The following CPA6 variants were observed in gnomAD, a reference collection of about 807,000 sequenced individuals.
CPA6 encodes the protein carboxypeptidase A6.
A neutral mutation model predicts 63.3 loss-of-function variants in CPA6; 58 were observed. The observed-to-expected ratio is 0.92, with a 90% CI of 0.74 to 1.14. The LOEUF is 1.14. Ranked by LOEUF, CPA6 falls within the 50% of genes most tolerant of loss-of-function variation. The pLI is 0.00. For synonymous variants in CPA6, 185 were observed against 179.0 expected (o/e 1.03, Z -0.27); for missense variants, 565 against 526.6 (o/e 1.07, Z -0.71).
At chr8:67,523,130 G>GTTTGCA (rs1299917382) in intron 2 of CPA6, among the ~76,000 whole-genome samples, 2 of 152,192 alleles carry the variant, frequency 1.3e-5, no homozygotes, top group African/African-American at 4.8e-5. Context: ...AATCTACTTA[G>GTTTGCA]CTCTCTGCAC....
At position 67,525,503 on chromosome 8, in the gene CPA6, A is replaced by G. The variant is rs145626846; in HGVS notation, c.193-7456T>C. Among the ~76,000 whole-genome samples, 550 of 152,338 alleles carry G rather than the reference A, an allele frequency of 3.6e-3. 5 individuals carry two copies. Among genetic ancestry groups the G allele is most frequent in the African/African-American group, 0.011 (477 of 41,580 alleles). The stretch of plus-strand genomic sequence containing the variant: ...TACTAGTTATAAGTCAAGCATTATT[A>G]CTACAGCATTAGTAAAGGAAGAAGT... On this transcript the variant is annotated intron_variant, in intron 2 of 10. Coordinates refer to ENST00000297770, the MANE Select transcript of CPA6 (RefSeq NM_020361.5).
chr8:67,469,636 A>C (rs1811010681), intron 8 of CPA6, among the ~76,000 whole-genome samples: 1 of 152,010 alleles, frequency 6.6e-6, no homozygotes, highest in African/African-American at 2.4e-5. Flanking sequence ...GACCAGCCCC[A>C]CCCCTCCTGC....
chr8:67,717,757 T>A (rs1817409489), intron 1 of CPA6, among the ~76,000 whole-genome samples: 1 of 152,166 alleles, frequency 6.6e-6, no homozygotes, highest in African/African-American at 2.4e-5. Flanking sequence ...CCCTGGAGTG[T>A]CCTAGTGGGC....
intron 2 of CPA6, among the ~76,000 whole-genome samples, chr8:67,543,478 A>T (rs1448471256): frequency 1.3e-5 from 2 of 152,220 alleles, no homozygotes; most frequent in Non-Finnish European, 2.9e-5. Flanking sequence ...CTGTTTGACA[A>T]ATACACAGTT....
chr8:67,505,645 GA>G (rs1282892132), intron 6 of CPA6, among the ~76,000 whole-genome samples: 3 of 152,136 alleles, frequency 2.0e-5, no homozygotes, highest in Non-Finnish European at 4.4e-5. Flanking sequence ...TGTTTCAAGA[GA>G]ATGCAAATTA....
At position 67,746,110 on chromosome 8, in the gene CPA6, C is replaced by T. The variant is rs373565150; in HGVS notation, c.20G>A (p.Arg7His). The change falls in exon 1 of 11, where the codon CGC (arginine) becomes CAC (histidine). Residue 7 changes from arginine (R) to histidine (H), a missense_variant. Coordinates refer to ENST00000297770, the MANE Select transcript of CPA6 (RefSeq NM_020361.5). MKCLGK[R>H]RGQAAAFLPL... The stretch of plus-strand genomic sequence containing the variant: ...CAGGAAAGCAGCTGCCTGGCCCCTG[C>T]GCTTCCCGAGACACTTCATAGTGTT... 146 of 1,613,202 alleles carry T rather than the reference C, an allele frequency of 9.1e-5. No homozygotes were observed. Among genetic ancestry groups the T allele is most frequent in the Non-Finnish European group, 1.2e-4 (138 of 1,179,566 alleles).
At chr8:67,628,861 A>G (rs1405402475) in intron 1 of CPA6, among the ~76,000 whole-genome samples, 1 of 152,218 alleles carries the variant, frequency 6.6e-6, no homozygotes, top group Non-Finnish European at 1.5e-5. Context: ...TCATGCCTGT[A>G]ATACCAGCAC....
rs187392548 is a variant in CPA6 at position 67,637,528 on chromosome 8, G to A, written c.117-13277C>T. On this transcript the variant is annotated intron_variant, in intron 1 of 10. Coordinates refer to ENST00000297770, the MANE Select transcript of CPA6 (RefSeq NM_020361.5). ...GGATGGGACTCAGTCTGAGAAAAAT[G>A]TTTCCACAGTGGAGAACAAACTATT... 4.8e-3 allele frequency among the ~76,000 whole-genome samples: 731 copies of A among 151,626 alleles called. 11 individuals carry two copies. The highest frequency in any genetic ancestry group is 6.4e-3 in the Non-Finnish European group (435 of 68,012).
intron 2 of CPA6, among the ~76,000 whole-genome samples, chr8:67,603,964 G>T (rs1420526392): frequency 6.6e-6 from 1 of 152,224 alleles, no homozygotes; most frequent in Non-Finnish European, 1.5e-5. Flanking sequence ...ATGAAAGGCA[G>T]AATTTGTATG....
intron 1 of CPA6, among the ~76,000 whole-genome samples, chr8:67,636,706 C>T (rs1189220720): frequency 6.6e-6 from 1 of 151,458 alleles, no homozygotes; most frequent in Non-Finnish European, 1.5e-5. Flanking sequence ...TTTATGAAAG[C>T]TTGTATCCTG....
Position 67,607,251 on chromosome 8 carries a change from T to TCTCCTCCTC in CPA6, c.192+16916_192+16924dup, listed in dbSNP as rs1307098146. Among the ~76,000 whole-genome samples the TCTCCTCCTC allele has an allele frequency of 6.0e-3, 487 of 81,100 alleles. 57 individuals are homozygous for TCTCCTCCTC. Among genetic ancestry groups the TCTCCTCCTC allele is most frequent in the African/African-American group, 0.018 (283 of 15,350 alleles). 53.2% of individuals were successfully genotyped at this position (81,100 alleles called of 152,430 possible). ...TTCTTCTTCTTCTTCTTCTTCTTCT[T>TCTCCTCCTC]CTCCTCCTCCTCCTTTCTTCTTTCT... is the stretch of plus-strand genomic sequence containing the variant. On this transcript the variant is annotated intron_variant, in intron 2 of 10. Transcript: ENST00000297770.
intron 8 of CPA6, among the ~76,000 whole-genome samples, chr8:67,454,816 G>T (rs1015934292): frequency 7.2e-5 from 11 of 152,156 alleles, no homozygotes; most frequent in African/African-American, 2.4e-4. Flanking sequence ...TAGTTTTTAA[G>T]TATTGAGATG....
At chr8:67,475,918 CTT>C (rs1343973250) in intron 8 of CPA6, among the ~76,000 whole-genome samples, 9 of 90,018 alleles carry the variant, frequency 1.0e-4, no homozygotes, top group South Asian at 6.8e-4. Context: ...TTCTTTCTTT[CTT>C]TCTTTCTTTC....
intron 2 of CPA6, among the ~76,000 whole-genome samples, chr8:67,525,705 A>G (rs1812346004): frequency 6.6e-6 from 1 of 152,210 alleles, no homozygotes; most frequent in South Asian, 2.1e-4. Context: ...CCAACCTGAA[A>G]TGATTGTTGA....
Position 67,428,141 on chromosome 8 carries a change from A to T in CPA6, c.1042-10T>A. The T allele has an allele frequency of 3.2e-6, 5 of 1,558,176 alleles. No individual in the cohort carries two copies. Among genetic ancestry groups the T allele is most frequent in the Non-Finnish European group, 4.4e-6 (5 of 1,130,264 alleles). On this transcript the variant is annotated splice_polypyrimidine_tract_variant and intron_variant, in intron 9 of 10. Coordinates refer to ENST00000297770, the MANE Select transcript of CPA6 (RefSeq NM_020361.5). Reference sequence around the variant, plus strand: ...TATAAGCTGCAGATTCCTATGAGGGAAAATGGGGAAATTTTATATATTGTT... The same window carrying T: ...TATAAGCTGCAGATTCCTATGAGGGTAAATGGGGAAATTTTATATATTGTT...
intron 1 of CPA6, among the ~76,000 whole-genome samples, chr8:67,745,502 CTTATT>C (rs1377289975): frequency 6.6e-6 from 1 of 152,074 alleles, no homozygotes; most frequent in African/African-American, 2.4e-5. Flanking sequence ...TTTTATTCTG[CTTATT>C]TTGAGTTGAA....
intron 1 of CPA6, among the ~76,000 whole-genome samples, chr8:67,650,793 G>A (rs1815819344): frequency 6.6e-6 from 1 of 152,102 alleles, no homozygotes; most frequent in Non-Finnish European, 1.5e-5. Flanking sequence ...TTGTCGGATT[G>A]TCTTTCACAA....
At chr8:67,586,449 G>C (rs1813938976) in intron 2 of CPA6, among the ~76,000 whole-genome samples, 2 of 152,134 alleles carry the variant, frequency 1.3e-5, no homozygotes, top group African/African-American at 4.8e-5. Flanking sequence ...ACTATGTTTA[G>C]TGAACCTGAA....
chr8:67,444,287 C>T (rs1810364630), intron 8 of CPA6, among the ~76,000 whole-genome samples: 1 of 151,786 alleles, frequency 6.6e-6, no homozygotes, highest in Admixed American at 6.6e-5. Context: ...CGCGCCGGGA[C>T]GACAGTAGTT....
Sources: allele counts gnomAD v4.1 joint callset (sites outside exome capture counted in the v4.1 genomes callset), GRCh38; gene constraint gnomAD v4.1.1; transcripts MANE v1.5; gene names NCBI Gene and HGNC (gene_info 2026-07-23, HGNC 2026-07-21).